The following LRRC4C variants were observed in gnomAD, a reference collection of about 807,000 sequenced individuals.
LRRC4C encodes the protein leucine rich repeat containing 4C.
In LRRC4C, 5 loss-of-function variants were observed where a neutral mutation model predicts 33.6. The observed-to-expected ratio is 0.15, with a 90% CI of 0.08 to 0.31. LRRC4C has a LOEUF of 0.31. Among genes scored for constraint, LRRC4C ranks in the 10% least tolerant of loss-of-function variants. The pLI is 1.00. For synonymous variants in LRRC4C, 329 were observed against 302.0 expected, an observed-to-expected ratio of 1.09 and a Z score of -0.93; for missense variants, 560 against 796.7, an observed-to-expected ratio of 0.70 and a Z score of 3.58.
At chr11:40,967,835 TATG>T (rs1283243987) in intron 1 of LRRC4C, among the ~76,000 whole-genome samples, 4 of 151,470 alleles carry the variant, frequency 2.6e-5, no homozygotes, top group South Asian at 2.1e-4. Context: ...TTTAATAATA[TATG>T]ATAATTTAAA....
intron 3 of LRRC4C, among the ~76,000 whole-genome samples, chr11:40,585,619 C>T: frequency 9.4e-6 from 1 of 106,584 alleles, no homozygotes; most frequent in Non-Finnish European, 1.8e-5. Flanking sequence ...GTATCCCTCC[C>T]CCCTCCCCCC....
chr11:40,130,873 C>A (rs1184426432), intron 6 of LRRC4C, among the ~76,000 whole-genome samples: 1 of 152,244 alleles, frequency 6.6e-6, no homozygotes, highest in Admixed American at 6.5e-5. Context: ...ATTACCTACT[C>A]TGATTTTTTT....
intron 2 of LRRC4C, among the ~76,000 whole-genome samples, chr11:40,710,086 C>T (rs189967554): frequency 1.1e-3 from 170 of 152,196 alleles, no homozygotes; most frequent in African/African-American, 3.8e-3. Context: ...GTTAGCTATT[C>T]GTCTAATCTT....
intron 1 of LRRC4C, among the ~76,000 whole-genome samples, chr11:41,114,869 A>G (rs1942033546): frequency 6.6e-6 from 1 of 152,088 alleles, no homozygotes; most frequent in Admixed American, 6.6e-5. Flanking sequence ...GTAATAGCTT[A>G]GTAAATAAGT....
At chr11:40,506,790 T>C (rs1955058037) in intron 3 of LRRC4C, among the ~76,000 whole-genome samples, 1 of 152,082 alleles carries the variant, frequency 6.6e-6, no homozygotes, top group Admixed American at 6.6e-5. Flanking sequence ...GGCTAACAAA[T>C]AAATGAACAT....
intron 3 of LRRC4C, among the ~76,000 whole-genome samples, chr11:40,328,613 T>C (rs1221919091): frequency 4.6e-5 from 7 of 152,210 alleles, no homozygotes; most frequent in Non-Finnish European, 8.8e-5. Flanking sequence ...TATTTAATAA[T>C]TGAGGTATTG....
chr11:40,851,506 C>A (rs183747584), intron 2 of LRRC4C, among the ~76,000 whole-genome samples: 1 of 152,232 alleles, frequency 6.6e-6, no homozygotes, highest in Admixed American at 6.5e-5. Flanking sequence ...CTGGCTACCT[C>A]AGTTGGAAAT....
intron 3 of LRRC4C, among the ~76,000 whole-genome samples, chr11:40,375,118 A>G (rs1948605267): frequency 6.6e-6 from 1 of 152,180 alleles, no homozygotes; most frequent in South Asian, 2.1e-4. Flanking sequence ...CATATAGCTG[A>G]TGGAGTTATT....
intron 4 of LRRC4C, among the ~76,000 whole-genome samples, chr11:40,247,493 G>C (rs1021607819): frequency 2.6e-5 from 4 of 152,068 alleles, no homozygotes; most frequent in African/African-American, 4.8e-5. Flanking sequence ...ATCCTATGAC[G>C]AGATAACATT....
At chr11:40,979,003 A>G (rs961289604) in intron 1 of LRRC4C, among the ~76,000 whole-genome samples, 2 of 152,158 alleles carry the variant, frequency 1.3e-5, no homozygotes, top group Non-Finnish European at 1.5e-5. Context: ...CTTAAATACA[A>G]TTCAATCCTT....
intron 1 of LRRC4C, among the ~76,000 whole-genome samples, chr11:41,283,498 G>A (rs979942932): frequency 6.6e-6 from 1 of 152,126 alleles, no homozygotes; most frequent in African/African-American, 2.4e-5. Flanking sequence ...TCACTTTTGA[G>A]TGGTTGAAAA....
chr11:41,014,730 T>C (rs1442640979), intron 1 of LRRC4C, among the ~76,000 whole-genome samples: 1 of 152,006 alleles, frequency 6.6e-6, no homozygotes, highest in African/African-American at 2.4e-5. Context: ...CAGGGCAAAG[T>C]GTAAGGTAAA....
chr11:40,682,633 G>T (rs1484575194), intron 2 of LRRC4C, among the ~76,000 whole-genome samples: 1 of 151,940 alleles, frequency 6.6e-6, no homozygotes, highest in African/African-American at 2.4e-5. Context: ...AAAATTAGCA[G>T]CTGTGGTGGT....
intron 1 of LRRC4C, among the ~76,000 whole-genome samples, chr11:41,458,743 A>T (rs1340760218): frequency 1.3e-5 from 2 of 152,100 alleles, no homozygotes; most frequent in Non-Finnish European, 2.9e-5. Context: ...ATGTTCCAAA[A>T]TGAGCGACAC....
rs1472610943 is a variant in LRRC4C at position 40,163,515 on chromosome 11, A to G, written c.-95-22662T>C. Among the ~76,000 whole-genome samples, 6 of 152,308 alleles carry G rather than the reference A, an allele frequency of 3.9e-5. No individual in the cohort carries two copies. In the East Asian group the frequency reaches 1.2e-3, roughly 29 times the overall value. On this transcript the variant is annotated intron_variant, in intron 5 of 6. Transcript: ENST00000528697. ...ATGGCTGATTTTAATTTTATGATGG[A>G]ATGTGAAACTAAAAATAATTATTTA...
chr11:41,385,316 T>C (rs1006162986), intron 1 of LRRC4C, among the ~76,000 whole-genome samples: 4 of 151,624 alleles, frequency 2.6e-5, no homozygotes, highest in Non-Finnish European at 4.4e-5. Context: ...CTTGTATTTC[T>C]TTCAATCAGA....
At chr11:40,459,319 T>C (rs556774043) in intron 3 of LRRC4C, among the ~76,000 whole-genome samples, 1 of 152,314 alleles carries the variant, frequency 6.6e-6, no homozygotes, top group Non-Finnish European at 1.5e-5. Flanking sequence ...CCACTTTCAT[T>C]GGCACTCATT....
At position 41,257,358 on chromosome 11, in the gene LRRC4C, C is replaced by A. The variant is rs142209885; in HGVS notation, c.-496+202073G>T. ...AGTAAGATTCAAAATGCAGCCCCAC[C>A]ATCAGGCTGAGACACAATCACATTC... On this transcript the variant is annotated intron_variant, in intron 1 of 6. Transcript: ENST00000528697. Among the ~76,000 whole-genome samples, 651 of 152,048 alleles carry A rather than the reference C, an allele frequency of 4.3e-3. 3 individuals are homozygous for A. Among genetic ancestry groups the A allele is most frequent in the African/African-American group, 0.014 (569 of 41,522 alleles).
chr11:40,860,118 A>ATAAATAAC (rs2135831249), intron 2 of LRRC4C, among the ~76,000 whole-genome samples: 1 of 151,872 alleles, frequency 6.6e-6, no homozygotes, highest in East Asian at 1.9e-4. Context: ...AAATAAATAA[A>ATAAATAAC]TAAAATGTGA....
Sources: allele counts gnomAD v4.1 joint callset (sites outside exome capture counted in the v4.1 genomes callset), GRCh38; gene constraint gnomAD v4.1.1; transcripts MANE v1.5; gene names NCBI Gene and HGNC (gene_info 2026-07-23, HGNC 2026-07-21).